Variants in DGKB observed in about 807,000 individuals in gnomAD.
DGKB encodes 90 kDa diacylglycerol kinase.
In DGKB, 67 loss-of-function variants were observed where a neutral mutation model predicts 114.3. The observed-to-expected ratio is 0.59, with a 90% confidence interval of 0.48 to 0.72. DGKB has a LOEUF of 0.72. Ranked by LOEUF, DGKB falls within the 30% of genes least tolerant of loss-of-function variation. The pLI, the probability that DGKB is intolerant of heterozygous loss-of-function variation, is 0.00. For synonymous variants in DGKB, 398 were observed against 323.1 expected (o/e 1.23, Z -2.49); for missense variants, 907 against 975.2 (o/e 0.93, Z 0.93).
intron 1 of DGKB, among the ~76,000 whole-genome samples, chr7:14,945,695 T>C (rs1241577720): frequency 6.6e-6 from 1 of 151,662 alleles, no homozygotes; most frequent in Admixed American, 6.6e-5. Context: ...ACAAATATTC[T>C]ATTAATAGAA....
At chr7:14,519,088 T>G (rs1383220578) in intron 20 of DGKB, among the ~76,000 whole-genome samples, 1 of 152,122 alleles carries the variant, frequency 6.6e-6, no homozygotes, top group Non-Finnish European at 1.5e-5. Context: ...TTAAACAATT[T>G]TATTGATGTT....
rs573764149 is a variant in DGKB, at chr7:14,681,248, C to G, written c.1035+1305G>C. On this transcript the variant is annotated intron_variant, in intron 12 of 25. Transcript: ENST00000402815. ...AATCATCGTTAGACATTTTATTATA[C>G]TAACCAAACACTTTTAAAAAACTAT... 3.9e-5 allele frequency among the ~76,000 whole-genome samples: 6 copies of G among 152,052 alleles called. No homozygotes were observed. The East Asian group carries it at 1.2e-3, about 29-fold the overall frequency.
chr7:14,429,050 C>T (rs1828023869), intron 21 of DGKB, among the ~76,000 whole-genome samples: 1 of 152,050 alleles, frequency 6.6e-6, no homozygotes, highest in South Asian at 2.1e-4. Context: ...TAGCCAAAGG[C>T]CCTCAGAGAT....
intron 1 of DGKB, among the ~76,000 whole-genome samples, chr7:14,949,199 T>A (rs542705982): frequency 6.6e-6 from 1 of 152,008 alleles, no homozygotes; most frequent in African/African-American, 2.4e-5. Context: ...TTCAATCTCA[T>A]TTATAATAAG....
upstream of DGKB, among the ~76,000 whole-genome samples, chr7:14,904,815 T>C (rs1173965638): frequency 6.6e-6 from 1 of 152,158 alleles, no homozygotes; most frequent in Non-Finnish European, 1.5e-5. Context: ...TTATTAACAG[T>C]CTGAAGAGTA....
At chr7:14,907,107 T>C (rs145109151), upstream of DGKB, among the ~76,000 whole-genome samples, 30 of 152,294 alleles carry the variant, frequency 2.0e-4, no homozygotes, top group Non-Finnish European at 3.7e-4. Flanking sequence ...AATGAATCAG[T>C]GGGACATAAG....
At chr7:14,607,409 G>C in intron 17 of DGKB, 25 bp downstream of exon 17, 1 of 1,190,962 alleles carries the variant, frequency 8.4e-7, no homozygotes, top group Non-Finnish European at 1.2e-6. Flanking sequence ...TGAGTTAATG[G>C]TAATAATATT....
chr7:14,409,149 C>G (rs182825719), intron 21 of DGKB, among the ~76,000 whole-genome samples: 2 of 152,180 alleles, frequency 1.3e-5, no homozygotes, highest in East Asian at 1.9e-4. Flanking sequence ...AATTTTGTCA[C>G]TATCTCTTAT....
intron 23 of DGKB, among the ~76,000 whole-genome samples, chr7:14,207,034 T>TA (rs1786939878): frequency 6.6e-6 from 1 of 152,094 alleles, no homozygotes; most frequent in Non-Finnish European, 1.5e-5. Context: ...TCTTTTATTA[T>TA]ACTGTTTCTC....
intron 13 of DGKB, among the ~76,000 whole-genome samples, chr7:14,640,230 T>C (rs1811493741): frequency 6.6e-6 from 1 of 152,168 alleles, no homozygotes; most frequent in East Asian, 1.9e-4. Flanking sequence ...ATTGATATTT[T>C]ATTAAAGATC....
intron 1 of DGKB, among the ~76,000 whole-genome samples, chr7:14,936,545 G>T (rs1239460327): frequency 6.6e-6 from 1 of 152,056 alleles, no homozygotes; most frequent in African/African-American, 2.4e-5. Context: ...GCCTTGCTTT[G>T]ATTTGTCTAT....
chr7:14,557,081 T>G (rs1002702917), intron 20 of DGKB, among the ~76,000 whole-genome samples: 16 of 152,070 alleles, frequency 1.1e-4, no homozygotes, highest in African/African-American at 3.4e-4. Context: ...TCAGCCCCCG[T>G]CCCCAATCTC....
intron 2 of DGKB, among the ~76,000 whole-genome samples, chr7:14,833,866 C>T (rs1240350309): frequency 3.9e-5 from 6 of 152,104 alleles, no homozygotes; most frequent in African/African-American, 1.4e-4. Flanking sequence ...CCCCATTCCA[C>T]TCTCAACTTC....
chr7:14,713,584 G>T (rs908042739), intron 6 of DGKB, among the ~76,000 whole-genome samples: 7 of 149,684 alleles, frequency 4.7e-5, no homozygotes, highest in Non-Finnish European at 7.4e-5. Flanking sequence ...ATGGATTTTA[G>T]TAATAGCTAG....
intron 17 of DGKB, among the ~76,000 whole-genome samples, chr7:14,597,860 T>C (rs1033908614): frequency 1.3e-5 from 2 of 152,118 alleles, no homozygotes; most frequent in African/African-American, 4.8e-5. Flanking sequence ...GTACAAGCAA[T>C]ATAATTATGG....
intron 25 of DGKB, among the ~76,000 whole-genome samples, chr7:14,168,903 A>T (rs186195066): frequency 1.3e-5 from 2 of 152,230 alleles, no homozygotes; most frequent in Non-Finnish European, 2.9e-5. Context: ...TATTTTTAGT[A>T]TGTATGTATT....
intron 21 of DGKB, among the ~76,000 whole-genome samples, chr7:14,347,661 A>T (rs1812708731): frequency 6.6e-6 from 1 of 152,052 alleles, no homozygotes; most frequent in Non-Finnish European, 1.5e-5. Context: ...GCAAACTTAC[A>T]GTTATAAGAT....
intron 20 of DGKB, among the ~76,000 whole-genome samples, chr7:14,500,698 G>A (rs987841658): frequency 5.3e-5 from 8 of 151,776 alleles, no homozygotes; most frequent in African/African-American, 1.9e-4. Flanking sequence ...GTAGTTGGGT[G>A]TGAAATTGGA....
At position 14,384,685 on chromosome 7, in the gene DGKB, A is replaced by T. The variant is rs551945718; in HGVS notation, c.1836-39294T>A. On this transcript the variant is annotated intron_variant, in intron 21 of 25. Transcript: ENST00000402815. The stretch of plus-strand genomic sequence containing the variant: ...CTAAAGAATGGCAAATTCCTTCCTA[A>T]CACAAACTAAACCTTTACCTCCGTG... Among the ~76,000 whole-genome samples, 13 of 152,320 alleles carry T rather than the reference A, an allele frequency of 8.5e-5. No individual in the cohort carries two copies. The East Asian group carries it at 1.7e-3, about 20-fold the overall frequency.
Sources: allele counts gnomAD v4.1 joint callset (sites outside exome capture counted in the v4.1 genomes callset), GRCh38; gene constraint gnomAD v4.1.1; transcripts MANE v1.5; gene names NCBI Gene and HGNC (gene_info 2026-07-23, HGNC 2026-07-21).